LDLRAD3: variants seen among roughly 807,000 people sequenced by gnomAD.
The protein encoded by LDLRAD3 is low-density lipoprotein receptor class A domain-containing protein 3.
LDLRAD3 carries 20 observed loss-of-function variants against 29.4 expected under a neutral mutation model. That is an observed-to-expected ratio of 0.68 (90% CI 0.48 to 0.99). LDLRAD3 has a LOEUF of 0.99. Among genes scored for constraint, LDLRAD3 ranks in the 50% least tolerant of loss-of-function variants. The probability of loss-of-function intolerance (pLI) is 0.00; values close to 1 mark genes in which losing one functional copy is unlikely to be tolerated. For synonymous variants in LDLRAD3, 157 were observed against 192.7 expected, an observed-to-expected ratio of 0.81 and a Z score of 1.53; for missense variants, 420 against 454.3, an observed-to-expected ratio of 0.92 and a Z score of 0.69.
intron 4 of LDLRAD3, chr11:36,163,275 C>T (rs1280367984): frequency 1.3e-5 from 2 of 152,360 alleles, no homozygotes; most frequent in African/African-American, 2.4e-5. Context: ...ATAAATGGAG[C>T]CTGAAAAGAG....
Position 36,117,099 on chromosome 11 carries a change from G to A in LDLRAD3, c.454+18638G>A, listed in dbSNP as rs1439515551. 5.9e-5 allele frequency among the ~76,000 whole-genome samples: 9 copies of A among 152,050 alleles called. No homozygotes were observed. The East Asian group carries it at 1.5e-3, about 26-fold the overall frequency. ...CAGGTGATCTACCCACCAGTGATCT[G>A]CCCACCTTGGCCTCCCAGAGTGCAG... On this transcript the variant is annotated intron_variant, in intron 4 of 5. Transcript: ENST00000315571.
chr11:35,994,122 T>C (rs56735393), intron 1 of LDLRAD3, among the ~76,000 whole-genome samples: 53,346 of 151,450 alleles, frequency 0.35, 9,520 homozygotes, highest in South Asian at 0.5. Flanking sequence ...TTCAGCAGGG[T>C]TCCGGGAGCC....
At chr11:35,968,950 G>A (rs899133758) in intron 1 of LDLRAD3, among the ~76,000 whole-genome samples, 20 of 152,098 alleles carry the variant, frequency 1.3e-4, no homozygotes, top group African/African-American at 4.3e-4. Flanking sequence ...GGACTCTGTC[G>A]TCTACAGATC....
At chr11:36,090,269 G>C (rs1590258615) in intron 3 of LDLRAD3, among the ~76,000 whole-genome samples, 1 of 152,166 alleles carries the variant, frequency 6.6e-6, no homozygotes, top group African/African-American at 2.4e-5. Flanking sequence ...TGCAGGATGA[G>C]GAGAGGAAGA....
rs1182449388 is a variant in LDLRAD3 at position 36,025,692 on chromosome 11, A to AT, written c.47-10402dup. Among the ~76,000 whole-genome samples the AT allele has an allele frequency of 6.8e-5, 10 of 147,354 alleles. No homozygotes were observed. The South Asian group carries it at 1.3e-3, about 19-fold the overall frequency. ...GTGTGAGCCACCGCGCCCGGCCCAGATTTTTTTTTAAGACAAATCTTGCAG... is the reference window on the plus strand; with the variant it reads ...GTGTGAGCCACCGCGCCCGGCCCAGATTTTTTTTTTAAGACAAATCTTGCAG... On this transcript the variant is annotated intron_variant, in intron 1 of 5. Coordinates refer to ENST00000315571, the MANE Select transcript of LDLRAD3 (RefSeq NM_174902.4).
rs373756866 is a variant in LDLRAD3 at position 35,997,477 on chromosome 11, G to GT, written c.47-38625dup. On this transcript the variant is annotated intron_variant, in intron 1 of 5. Coordinates refer to ENST00000315571, the MANE Select transcript of LDLRAD3 (RefSeq NM_174902.4). ...GGCAGATGGTACCACCTCACTCTGGGTCTGTTCTGAATGGTCAGTTTCACT... is the reference window on the plus strand; with the variant it reads ...GGCAGATGGTACCACCTCACTCTGGGTTCTGTTCTGAATGGTCAGTTTCACT... 9.4e-4 allele frequency: 370 copies of GT among 391,864 alleles called. 1 individual carries two copies. The highest frequency in any genetic ancestry group is 7.3e-3 in the African/African-American group (350 of 47,804). The allele number at this position is 391,864 out of a possible 1,614,324, so 24.3% of individuals were successfully genotyped here.
At chr11:36,071,893 A>C (rs1342409544) in intron 2 of LDLRAD3, among the ~76,000 whole-genome samples, 49 of 152,230 alleles carry the variant, frequency 3.2e-4, no homozygotes, top group Non-Finnish European at 1.9e-4. Flanking sequence ...TGCACACACT[A>C]GTTTTTGAGA....
chr11:36,126,142 C>A (rs2133300883), intron 4 of LDLRAD3, among the ~76,000 whole-genome samples: 1 of 152,270 alleles, frequency 6.6e-6, no homozygotes, highest in Non-Finnish European at 1.5e-5. Flanking sequence ...TTGGCAGGAT[C>A]CCGCAGGAAG....
intron 2 of LDLRAD3, among the ~76,000 whole-genome samples, chr11:36,054,368 C>G (rs572439147): frequency 2.3e-4 from 35 of 152,316 alleles, no homozygotes; most frequent in African/African-American, 7.7e-4. Flanking sequence ...CAAAACAAAA[C>G]AAGCAATTTT....
At chr11:36,212,194 A>G (rs1206446217) in intron 4 of LDLRAD3, among the ~76,000 whole-genome samples, 1 of 152,208 alleles carries the variant, frequency 6.6e-6, no homozygotes, top group Non-Finnish European at 1.5e-5. Context: ...CACTCGATGC[A>G]GAGGAGGCAG....
intron 4 of LDLRAD3, among the ~76,000 whole-genome samples, chr11:36,206,657 T>A (rs532864444): frequency 6.6e-6 from 1 of 151,892 alleles, no homozygotes; most frequent in South Asian, 2.1e-4. Flanking sequence ...GCGTCAGTCC[T>A]AGGAAGGAAG....
chr11:36,116,501 T>A (rs1232332099), intron 4 of LDLRAD3, among the ~76,000 whole-genome samples: 4 of 152,076 alleles, frequency 2.6e-5, no homozygotes, highest in Admixed American at 6.6e-5. Context: ...CTCCCCCAAT[T>A]GTGTTCAGAG....
At chr11:35,948,959 T>C (rs1030814846) in intron 1 of LDLRAD3, among the ~76,000 whole-genome samples, 2 of 152,092 alleles carry the variant, frequency 1.3e-5, no homozygotes, top group African/African-American at 4.8e-5. Flanking sequence ...TGAGAACCCC[T>C]GGTCTAGCAT....
Position 36,115,676 on chromosome 11 carries a change from A to G in LDLRAD3, c.454+17215A>G, listed in dbSNP as rs561404037. ...CAAAAGGACGCCCCAGTCCCTCCTC[A>G]CCTCAAGCATCATCCAGCGAGGCTG... On this transcript the variant is annotated intron_variant, in intron 4 of 5. Coordinates refer to ENST00000315571, the MANE Select transcript of LDLRAD3 (RefSeq NM_174902.4). Among the ~76,000 whole-genome samples, 4 of 152,038 alleles carry G rather than the reference A, an allele frequency of 2.6e-5. No homozygotes were observed. The South Asian group carries it at 6.3e-4, about 24-fold the overall frequency.
At chr11:35,974,100 C>T (rs1002031387) in intron 1 of LDLRAD3, among the ~76,000 whole-genome samples, 3 of 152,112 alleles carry the variant, frequency 2.0e-5, no homozygotes, top group South Asian at 2.1e-4. Flanking sequence ...CTCTGTGATA[C>T]AAGTTGCAGA....
chr11:36,013,232 C>T (rs921786379), intron 1 of LDLRAD3, among the ~76,000 whole-genome samples: 1 of 152,184 alleles, frequency 6.6e-6, no homozygotes, highest in Non-Finnish European at 1.5e-5. Context: ...AGCAGGGCTT[C>T]TTAGCCTCTC....
intron 4 of LDLRAD3, among the ~76,000 whole-genome samples, chr11:36,154,922 G>A (rs985555910): frequency 6.6e-5 from 10 of 152,166 alleles, no homozygotes; most frequent in African/African-American, 1.2e-4. Context: ...CAGTCCATCT[G>A]TCTGTCTGCT....
At chr11:36,052,650 A>C (rs551004571) in intron 2 of LDLRAD3, among the ~76,000 whole-genome samples, 1 of 152,332 alleles carries the variant, frequency 6.6e-6, no homozygotes, top group Admixed American at 6.5e-5. Context: ...TCTGTGCCTC[A>C]GTTTCCTTAT....
chr11:36,085,310 G>A (rs530380513), intron 3 of LDLRAD3, among the ~76,000 whole-genome samples: 1 of 148,644 alleles, frequency 6.7e-6, no homozygotes, highest in African/African-American at 2.5e-5. Flanking sequence ...TTGTTTCCCC[G>A]TAGATTATAT....
Sources: gnomAD v4.1 joint callset for allele counts (sites outside exome capture counted in the v4.1 genomes callset) on GRCh38, gnomAD v4.1.1 for gene constraint, MANE v1.5 for transcripts, NCBI Gene and HGNC (gene_info 2026-07-23, HGNC 2026-07-21) for gene names.